The following VSTM1 variants were observed in gnomAD, a reference collection of about 807,000 sequenced individuals.
The protein encoded by VSTM1 is V-set and transmembrane domain containing 1.
VSTM1 carries 27 observed loss-of-function variants against 33.1 expected under a neutral mutation model. The observed-to-expected ratio is 0.82, with a 90% CI of 0.60 to 1.12. The LOEUF is 1.12. Among genes scored for constraint, VSTM1 ranks in the 50% most tolerant of loss-of-function variants. The probability of loss-of-function intolerance (pLI) is 0.00; values close to 1 mark genes in which losing one functional copy is unlikely to be tolerated. For missense variants in VSTM1, 304 were observed against 288.9 expected, an observed-to-expected ratio of 1.05 and a Z score of -0.38; for synonymous variants, 115 against 110.3, an observed-to-expected ratio of 1.04 and a Z score of -0.27.
intron 4 of VSTM1, among the ~76,000 whole-genome samples, chr19:54,047,286 C>T (rs112272975): frequency 1.3e-4 from 20 of 150,288 alleles, no homozygotes; most frequent in African/African-American, 4.7e-4. Flanking sequence ...ATCAGAGAAC[C>T]CCTCAAAAGC....
At chr19:54,051,197 C>T (rs1250096039) in intron 4 of VSTM1, among the ~76,000 whole-genome samples, 1 of 151,976 alleles carries the variant, frequency 6.6e-6, no homozygotes, top group East Asian at 1.9e-4. Flanking sequence ...GAGGCTGAGG[C>T]AGGAAAATTG....
At chr19:54,047,263 C>G (rs2070640397) in intron 4 of VSTM1, among the ~76,000 whole-genome samples, 1 of 152,032 alleles carries the variant, frequency 6.6e-6, no homozygotes, top group South Asian at 2.1e-4. Flanking sequence ...GAGCCTGCTT[C>G]TGGTGGAGCT....
intron 4 of VSTM1, among the ~76,000 whole-genome samples, chr19:54,043,629 C>T (rs1001702678): frequency 6.6e-6 from 1 of 152,088 alleles, no homozygotes; most frequent in African/African-American, 2.4e-5. Context: ...CCACGCTGGT[C>T]TTGAACTACT....
At chr19:54,045,703 T>C (rs2070545662) in intron 4 of VSTM1, among the ~76,000 whole-genome samples, 1 of 152,150 alleles carries the variant, frequency 6.6e-6, no homozygotes, top group African/African-American at 2.4e-5. Flanking sequence ...TCTATCTATC[T>C]ATCCACCTAC....
chr19:54,050,033 C>T (rs1397425191), intron 4 of VSTM1, among the ~76,000 whole-genome samples: 1 of 126,802 alleles, frequency 7.9e-6, no homozygotes, highest in African/African-American at 3.0e-5. Context: ...GAGTCTCACT[C>T]TGTTGCCCAG....
chr19:54,060,583 C>T (rs1388157556), intron 1 of VSTM1, among the ~76,000 whole-genome samples: 5 of 152,186 alleles, frequency 3.3e-5, no homozygotes, highest in African/African-American at 1.2e-4. Context: ...GTGGGCAGGG[C>T]ATCCCAGGAC....
At chr19:54,044,055 C>T (rs990021550) in intron 4 of VSTM1, among the ~76,000 whole-genome samples, 4 of 152,096 alleles carry the variant, frequency 2.6e-5, no homozygotes, top group Non-Finnish European at 1.5e-5. Flanking sequence ...GGAGTACAGA[C>T]CACCACGCCC....
At chr19:54,058,186 G>A (rs1315538276) in intron 3 of VSTM1, 120 bp downstream of exon 3, 33 of 1,098,104 alleles carry the variant, frequency 3.0e-5, no homozygotes, top group Non-Finnish European at 3.9e-5. Flanking sequence ...GTTGCAGTGA[G>A]CCGAGATCGT....
chr19:54,055,802 G>A lies in VSTM1; in HGVS notation c.355+2504C>T, dbSNP rs2071058836. On this transcript the variant is annotated intron_variant, in intron 3 of 8. Coordinates refer to ENST00000338372, the MANE Select transcript of VSTM1 (RefSeq NM_198481.4). ...GAGCAAAGGTTCTGGGAGTGATCCTGAAGAGGACAAGGCAATGGAGGTAAA... is the reference window on the plus strand; with the variant it reads ...GAGCAAAGGTTCTGGGAGTGATCCTAAAGAGGACAAGGCAATGGAGGTAAA... The A allele has an allele frequency of 1.4e-5, 2 of 142,634 alleles. 1 individual carries two copies. The highest frequency in any genetic ancestry group is 5.2e-5 in the African/African-American group (2 of 38,572). The allele number at this position is 142,634 out of a possible 1,614,324, so 8.8% of individuals were successfully genotyped here.
intron 4 of VSTM1, among the ~76,000 whole-genome samples, chr19:54,047,989 G>A (rs1229152977): frequency 6.6e-6 from 1 of 152,176 alleles, no homozygotes; most frequent in African/African-American, 2.4e-5. Context: ...AGAAAGTCAA[G>A]TCTTGTGTGA....
intron 4 of VSTM1, among the ~76,000 whole-genome samples, chr19:54,049,093 AAAAC>A (rs1453451307): frequency 3.3e-5 from 5 of 152,204 alleles, no homozygotes; most frequent in African/African-American, 9.6e-5. Flanking sequence ...CAAAAAAACA[AAAAC>A]AAAAACAAAA....
intron 3 of VSTM1, 56 bp downstream of exon 3, chr19:54,058,250 A>G: frequency 6.4e-7 from 1 of 1,556,554 alleles, no homozygotes; most frequent in Non-Finnish European, 8.7e-7. Flanking sequence ...AAAAAAAAAA[A>G]AGCAAAGCCA....
intron 3 of VSTM1, 147 bp downstream of exon 3, chr19:54,058,159 G>C: frequency 3.5e-6 from 3 of 852,674 alleles, no homozygotes; most frequent in Non-Finnish European, 5.3e-6. Context: ...AGAATTGCTT[G>C]AACCCAGGAG....
chr19:54,062,839 G>A (rs1456637815), intron 1 of VSTM1, among the ~76,000 whole-genome samples: 3 of 152,106 alleles, frequency 2.0e-5, no homozygotes, highest in Admixed American at 2.0e-4. Context: ...GAAGCACGTC[G>A]ATGTCCACCG....
At chr19:54,041,415 G>C (rs1045514389) in intron 8 of VSTM1, among the ~76,000 whole-genome samples, 8 of 151,732 alleles carry the variant, frequency 5.3e-5, no homozygotes. Flanking sequence ...CATTCTCCTG[G>C]CTCAGCCTCC....
intron 4 of VSTM1, among the ~76,000 whole-genome samples, chr19:54,045,126 T>C (rs1476558128): frequency 6.6e-6 from 1 of 152,166 alleles, no homozygotes; most frequent in Non-Finnish European, 1.5e-5. Context: ...GGGTCTCCCA[T>C]CCAGACGCTT....
chr19:54,046,480 A>G (rs181597397), intron 4 of VSTM1, among the ~76,000 whole-genome samples: 121 of 152,126 alleles, frequency 8.0e-4, no homozygotes, highest in Non-Finnish European at 1.3e-3. Context: ...CTAGAAACTG[A>G]CTCATTGTGT....
chr19:54,046,560 C>T (rs2070601472), intron 4 of VSTM1, among the ~76,000 whole-genome samples: 1 of 152,064 alleles, frequency 6.6e-6, no homozygotes, highest in African/African-American at 2.4e-5. Flanking sequence ...CCATCTCTCT[C>T]TGTAATAGAT....
At chr19:54,048,484 T>C (rs1392077724) in intron 4 of VSTM1, 1 of 200,650 alleles carries the variant, frequency 5.0e-6, no homozygotes, top group Non-Finnish European at 1.1e-5. Flanking sequence ...TTTAAGAAAT[T>C]ATATAATACC....
Sources: allele counts gnomAD v4.1 joint callset (sites outside exome capture counted in the v4.1 genomes callset), GRCh38; gene constraint gnomAD v4.1.1; transcripts MANE v1.5; gene names NCBI Gene and HGNC (gene_info 2026-07-23, HGNC 2026-07-21).